Variants in SON observed in about 807,000 individuals in gnomAD.
The protein encoded by SON is protein SON.
A neutral mutation model predicts 173.3 loss-of-function variants in SON; 4 were observed. The observed-to-expected ratio is 0.02, with a 90% CI of 0.01 to 0.05. The LOEUF (loss-of-function observed/expected upper bound fraction) is 0.05. SON is among the 10% of genes least tolerant of loss of function. The probability of loss-of-function intolerance (pLI) is 1.00; values close to 1 mark genes in which losing one functional copy is unlikely to be tolerated. For missense variants in SON, 2,626 were observed against 3,055.3 expected, an observed-to-expected ratio of 0.86 and a Z score of 3.31; for synonymous variants, 1,190 against 1,105.9, an observed-to-expected ratio of 1.08 and a Z score of -1.51.
intron 9 of SON, among the ~76,000 whole-genome samples, chr21:33,574,040 T>C (rs2086346070): frequency 6.6e-6 from 1 of 152,192 alleles, no homozygotes; most frequent in Non-Finnish European, 1.5e-5. Context: ...TCCTTTTACC[T>C]TCAGATACCT....
rs1458775818 is a variant in SON at position 33,549,933 on chromosome 21, A to G, written c.702A>G (p.Pro234=). Residue 234 remains proline, a synonymous_variant, in exon 3 of 12, where the codon CCA becomes CCG. Transcript: ENST00000356577. The part of the protein sequence containing the change: ...EQSEQSVAVM[P]EPSMTKILDS... Reference sequence around the variant, plus strand: ...CAGAGCAGTCTGTGGCAGTAATGCCAGAACCATCCATGACAAAGATTCTGG... The same window carrying G: ...CAGAGCAGTCTGTGGCAGTAATGCCGGAACCATCCATGACAAAGATTCTGG... 1 of 1,614,216 alleles carries G rather than the reference A, an allele frequency of 6.2e-7. No individual in the cohort carries two copies. The highest frequency in any genetic ancestry group is 8.5e-7 in the Non-Finnish European group (1 of 1,180,040).
intron 3 of SON, among the ~76,000 whole-genome samples, chr21:33,556,670 C>T (rs112741135): frequency 6.1e-5 from 9 of 146,732 alleles, no homozygotes; most frequent in East Asian, 6.1e-4. Context: ...GCCAAGATGG[C>T]GCCACTGCAC....
intron 1 of SON, among the ~76,000 whole-genome samples, chr21:33,543,877 C>T (rs2085538535): frequency 6.6e-6 from 1 of 151,784 alleles, no homozygotes; most frequent in African/African-American, 2.4e-5. Context: ...TCTTGCTACC[C>T]CTGCCCCAGT....
At position 33,554,069 on chromosome 21, in the gene SON, A is replaced by T; in HGVS notation, c.4838A>T (p.Glu1613Val). 6.2e-7 allele frequency: 1 copy of T among 1,614,150 alleles called. No homozygotes were observed. The highest frequency in any genetic ancestry group is 8.5e-7 in the Non-Finnish European group (1 of 1,180,018). The change falls in exon 3 of 12, where the codon GAA becomes GTA. Residue 1613 changes from glutamate to valine, a missense_variant. By Grantham distance (121) the Glu-to-Val change is moderately radical (BLOSUM62 -2). Coordinates refer to ENST00000356577, the MANE Select transcript of SON (RefSeq NM_138927.4). ...GCAACAGGAACTAGTAAGGGTATTG[A>T]ATTTACCACAGCATCTACTCTCAGT... is the stretch of plus-strand genomic sequence containing the variant. ...PDATGTSKGI[E>V]FTTASTLSLV...
Position 33,555,378 on chromosome 21 carries a change from T to C in SON, c.6147T>C (p.Arg2049=). Reference sequence around the variant, plus strand: ...CTGAACGAGGCAGATCACCCAAACGTCTGACAGATTTGGGTGAGTCATTTT... The same window carrying C: ...CTGAACGAGGCAGATCACCCAAACGCCTGACAGATTTGGGTGAGTCATTTT... ...RSSERGRSPK[R]LTDLDKAQLL... is the part of the protein sequence containing the mutation. Residue 2049 remains arginine, a synonymous_variant, in exon 3 of 12, where the codon CGT becomes CGC. Transcript: ENST00000356577. 6.5e-7 allele frequency: 1 copy of C among 1,541,766 alleles called. No individual in the cohort carries two copies. The highest frequency in any genetic ancestry group is 8.8e-7 in the Non-Finnish European group (1 of 1,140,520).
At chr21:33,569,676 G>A (rs1298895118) in intron 8 of SON, 2 of 444,622 alleles carry the variant, frequency 4.5e-6, no homozygotes, top group African/African-American at 4.1e-5. Flanking sequence ...GTTACAGCAA[G>A]TGGTTGGGAG....
Position 33,546,211 on chromosome 21 carries a change from A to C in SON, c.78-2A>C, listed in dbSNP as rs746623397. The C allele has an allele frequency of 3.8e-6, 6 of 1,592,572 alleles. No homozygotes were observed. In the East Asian group the frequency reaches 1.1e-4, roughly 30 times the overall value. On this transcript the variant is annotated splice_acceptor_variant, in intron 1 of 11. Transcript: ENST00000356577. LOFTEE classifies it high-confidence loss of function. ...TGAATTTCGATAACTTTTCATGTCA[A>C]GTGGAAGGAATGAAGGCCAGCTGAA...
intron 4 of SON, chr21:33,557,785 A>C: frequency 8.1e-7 from 1 of 1,237,640 alleles, no homozygotes. Flanking sequence ...CTTCTTTCGC[A>C]TCAACATTTC....
intron 1 of SON, among the ~76,000 whole-genome samples, chr21:33,544,942 C>T (rs1169965796): frequency 8.5e-5 from 13 of 152,200 alleles, no homozygotes; most frequent in Admixed American, 8.5e-4. Flanking sequence ...TATGCAGCTT[C>T]TCTTCAACAC....
At chr21:33,543,406 C>T (rs2085512032) in intron 1 of SON, 5 of 568,224 alleles carry the variant, frequency 8.8e-6, no homozygotes, top group South Asian at 2.0e-5. Flanking sequence ...GTTTCAGAAC[C>T]GAGTTAAGAT....
At chr21:33,544,256 T>C (rs191824498) in intron 1 of SON, among the ~76,000 whole-genome samples, 5 of 152,354 alleles carry the variant, frequency 3.3e-5, no homozygotes, top group Admixed American at 6.5e-5. Context: ...TTTTGCAGAA[T>C]GTGTTGTTTT....
In SON at chr21:33,553,467, G is replaced by A. The variant is rs764031252; in HGVS notation, c.4236G>A (p.Ala1412=). The stretch of plus-strand genomic sequence containing the variant: ...CCATTCCTGTGCCAGTTGTTTCTGC[G>A]CTGGAGCCTTCTGTGCCTGTTCTGG... The part of the protein sequence containing the change: ...YVTIPVPVVS[A]LEPSVPVLEP... Residue 1412 remains alanine, a synonymous_variant, in exon 3 of 12, where the codon GCG becomes GCA. Transcript: ENST00000356577. 35 of 1,614,080 alleles carry A rather than the reference G, an allele frequency of 2.2e-5. No individual in the cohort carries two copies. Among genetic ancestry groups the A allele is most frequent in the Non-Finnish European group, 2.9e-5 (34 of 1,180,048 alleles).
At chr21:33,566,431 T>C (rs2086173254) in intron 6 of SON, among the ~76,000 whole-genome samples, 2 of 152,142 alleles carry the variant, frequency 1.3e-5, no homozygotes, top group Admixed American at 1.3e-4. Context: ...TTCTTCCACT[T>C]GCCGTAAGGT....
At chr21:33,563,601 T>G (rs1335331239) in intron 6 of SON, among the ~76,000 whole-genome samples, 1 of 152,212 alleles carries the variant, frequency 6.6e-6, no homozygotes, top group African/African-American at 2.4e-5. Flanking sequence ...CTAACAATTA[T>G]CTTTAGCTCT....
At position 33,554,938 on chromosome 21, in the gene SON, G is replaced by GAAAGAA; in HGVS notation, c.5719_5724dup (p.Lys1907_Arg1908dup). On this transcript the variant is annotated inframe_insertion, in exon 3 of 12. Transcript: ENST00000356577. ...TCCAAAGCACAGATCCAAGTCTAGG[G>GAAAGAA]AAAGAAAAAGAAAAAGATCAAGCTC... The GAAAGAA allele has an allele frequency of 1.9e-6, 3 of 1,614,036 alleles. No individual in the cohort carries two copies. Among genetic ancestry groups the GAAAGAA allele is most frequent in the Non-Finnish European group, 2.5e-6 (3 of 1,180,002 alleles).
chr21:33,555,713 G>A (rs909566614), intron 3 of SON, among the ~76,000 whole-genome samples: 1 of 152,192 alleles, frequency 6.6e-6, no homozygotes, highest in Non-Finnish European at 1.5e-5. Context: ...TTAAAAACAA[G>A]CTAAGTATAT....
intron 1 of SON, among the ~76,000 whole-genome samples, chr21:33,545,251 A>G (rs2085587752): frequency 6.6e-6 from 1 of 152,204 alleles, no homozygotes; most frequent in Non-Finnish European, 1.5e-5. Context: ...ACAGTATGAC[A>G]CTAGTAGTCA....
chr21:33,552,919 T>A lies in SON; in HGVS notation c.3688T>A (p.Tyr1230Asn). 1.2e-6 allele frequency: 2 copies of A among 1,614,160 alleles called. No homozygotes were observed. Among genetic ancestry groups the A allele is most frequent in the African/African-American group, 1.3e-5 (1 of 75,036 alleles). Residue 1230 changes from tyrosine (Y) to asparagine (N), a missense_variant, in exon 3 of 12, where the codon TAT (tyrosine) becomes AAT (asparagine). This residue lies in a region of SON where 1,006 missense variants were observed against 895.6 expected (regional missense o/e 1.12). Coordinates refer to ENST00000356577, the MANE Select transcript of SON (RefSeq NM_138927.4). The surrounding 1 kb of genome is among the most constrained non-coding windows in gnomAD (Gnocchi z 5.6). ...GGAGCCTTCAGCAGTGCCTACTGAT[T>A]ATTCAGTGTCAGCATCAGATCCCTC... Reference protein sequence around the residue: ...ISEPSAVPTDYSVSASDPSVL... With the variant: ...ISEPSAVPTDNSVSASDPSVL...
rs140720409 is a variant in SON at position 33,549,865 on chromosome 21, G to T, written c.634G>T (p.Ala212Ser). ...AACTCTGAAGCCAGCTACAAAAACT[G>T]CAGAACTGTCAGTTGTATCTACATC... is the stretch of plus-strand genomic sequence containing the variant. ...LETLKPATKT[A>S]ELSVVSTSVI... The change falls in exon 3 of 12, where the codon GCA (alanine) becomes TCA (serine). Residue 212 changes from alanine (A) to serine (S), a missense_variant. By Grantham distance (99) the Ala-to-Ser change is moderately conservative. Coordinates refer to ENST00000356577, the MANE Select transcript of SON (RefSeq NM_138927.4). 1.4e-4 allele frequency: 234 copies of T among 1,614,246 alleles called. No homozygotes were observed. In the African/African-American group the frequency reaches 2.8e-3, roughly 19 times the overall value.
Sources: gnomAD v4.1 joint callset for allele counts (sites outside exome capture counted in the v4.1 genomes callset) on GRCh38, gnomAD v4.1.1 for gene constraint, gnomAD v4.1.1 regional missense constraint, Gnocchi (gnomAD v3.1) non-coding constraint, MANE v1.5 for transcripts, NCBI Gene and HGNC (gene_info 2026-07-23, HGNC 2026-07-21) for gene names.